Variants in RABEP1 observed in about 807,000 individuals in gnomAD.
The protein encoded by RABEP1 is rab GTPase-binding effector protein 1.
In RABEP1, 51 loss-of-function variants were observed where a neutral mutation model predicts 123.4. The observed-to-expected ratio is 0.41, with a 90% CI of 0.33 to 0.52. The LOEUF (loss-of-function observed/expected upper bound fraction) is 0.52. Among genes scored for constraint, RABEP1 ranks in the 20% least tolerant of loss-of-function variants. The pLI is 0.16. For synonymous variants in RABEP1, 347 were observed against 355.2 expected (o/e 0.98, Z 0.26); for missense variants, 888 against 996.3 (o/e 0.89, Z 1.46).
intron 8 of RABEP1, among the ~76,000 whole-genome samples, chr17:5,358,451 A>G (rs1909216683): frequency 6.6e-6 from 1 of 152,096 alleles, no homozygotes; most frequent in South Asian, 2.1e-4. Context: ...CAGGCGGATC[A>G]TTCGAGGCCA....
intron 1 of RABEP1, among the ~76,000 whole-genome samples, chr17:5,284,851 TA>T (rs11417038): frequency 1.6e-3 from 231 of 143,810 alleles, no homozygotes; most frequent in Non-Finnish European, 1.6e-3. Context: ...TCCTGCTGAT[TA>T]AAAAAAAAAA....
intron 2 of RABEP1, among the ~76,000 whole-genome samples, chr17:5,329,818 C>CATATATATATATATATAT (rs61446536): frequency 1.1e-3 from 163 of 143,040 alleles, no homozygotes; most frequent in African/African-American, 3.7e-3. Context: ...TATATATGTT[C>CATATATATATATATATAT]ATATATATAT....
chr17:5,288,347 C>T (rs987602332), intron 1 of RABEP1, among the ~76,000 whole-genome samples: 3 of 151,970 alleles, frequency 2.0e-5, no homozygotes, highest in Non-Finnish European at 4.4e-5. Flanking sequence ...GTACGGGAAC[C>T]CACTGAAGGG....
At chr17:5,297,676 C>A (rs896955170) in intron 1 of RABEP1, among the ~76,000 whole-genome samples, 5 of 152,176 alleles carry the variant, frequency 3.3e-5, no homozygotes, top group African/African-American at 1.2e-4. Context: ...CCTGATACTC[C>A]ATGAAGAGCT....
At position 5,384,132 on chromosome 17, in the gene RABEP1, CAAATACAA is replaced by C. The variant is rs1269518120; in HGVS notation, c.*914_*921del. 4.7e-6 allele frequency: 1 copy of C among 214,296 alleles called. No homozygotes were observed. Among genetic ancestry groups the C allele is most frequent in the Admixed American group, 5.9e-5 (1 of 17,078 alleles). The allele number at this position is 214,296 out of a possible 1,614,324, so 13.3% of individuals were successfully genotyped here. ...TACGTACTACTTGTTTCAAATGTGT[CAAATACAA>C]AAATGGTAACTAGGTTGACAGATAC... On this transcript the variant is annotated 3_prime_UTR_variant, in exon 18 of 18. Transcript: ENST00000537505.
chr17:5,289,640 C>T (rs1359410780), intron 1 of RABEP1, among the ~76,000 whole-genome samples: 2 of 151,952 alleles, frequency 1.3e-5, no homozygotes, highest in African/African-American at 4.8e-5. Flanking sequence ...CCCACTAAGA[C>T]AAAAGAAAAC....
chr17:5,343,669 T>TG (rs1907812641), intron 5 of RABEP1, among the ~76,000 whole-genome samples: 1 of 126,522 alleles, frequency 7.9e-6, no homozygotes, highest in African/African-American at 3.5e-5. Context: ...CTTTCTTTTC[T>TG]CTTTTTTTTT....
At position 5,349,483 on chromosome 17, in the gene RABEP1, T is replaced by A. The variant is rs182809784; in HGVS notation, c.785-968T>A. On this transcript the variant is annotated intron_variant, in intron 6 of 17. Transcript: ENST00000537505. ...ATAGATCATGCTACCTATTCTCTTT[T>A]TAGCAGAAGATGGCTGAGCTGATGA... 4.1e-4 allele frequency among the ~76,000 whole-genome samples: 63 copies of A among 152,312 alleles called. 1 individual carries two copies. In the East Asian group the frequency reaches 0.01, roughly 24 times the overall value.
rs200797949 is a variant in RABEP1, at chr17:5,381,396, T to C, written c.2378T>C (p.Val793Ala). ...AAAACTTGTATTTTTTAGGCTACCG[T>C]TGAACAACTAATGTTTGAAGAGAAG... is the stretch of plus-strand genomic sequence containing the variant. ...LKKETAAKAT[V>A]EQLMFEEKNK... is the part of the protein sequence containing the mutation. Residue 793 changes from valine to alanine, a missense_variant, in exon 17 of 18, where the codon GTT becomes GCT. Transcript: ENST00000537505. 4.5e-5 allele frequency: 73 copies of C among 1,610,942 alleles called. No individual in the cohort carries two copies. The highest frequency in any genetic ancestry group is 5.9e-5 in the Non-Finnish European group (69 of 1,179,160).
intron 2 of RABEP1, among the ~76,000 whole-genome samples, chr17:5,313,945 C>G (rs1004785853): frequency 6.6e-6 from 1 of 152,184 alleles, no homozygotes; most frequent in South Asian, 2.1e-4. Flanking sequence ...TTTATTGTAT[C>G]TACTGTGAAG....
chr17:5,288,057 G>A (rs553304337), intron 1 of RABEP1, among the ~76,000 whole-genome samples: 1 of 152,162 alleles, frequency 6.6e-6, no homozygotes, highest in East Asian at 1.9e-4. Context: ...TTGAATATGG[G>A]ATGCAAAAGA....
rs1219790328 is a variant in RABEP1, at chr17:5,367,998, CTG to C, written c.1786-371_1786-370del. On this transcript the variant is annotated intron_variant, in intron 11 of 17. Coordinates refer to ENST00000537505, the MANE Select transcript of RABEP1 (RefSeq NM_004703.6). ...TCTCGAACTCCTGACCTCAGGTGATCTGCCCGCCTCAGCCTCCCAAAGTGCTG... is the reference window on the plus strand; with the variant it reads ...TCTCGAACTCCTGACCTCAGGTGATCCCCGCCTCAGCCTCCCAAAGTGCTG... 3.5e-3 allele frequency among the ~76,000 whole-genome samples: 526 copies of C among 150,184 alleles called. 6 individuals carry two copies. The highest frequency in any genetic ancestry group is 0.022 in the East Asian group (103 of 4,718).
In RABEP1 at chr17:5,312,402, C is replaced by T. The variant is rs541191350; in HGVS notation, c.163+3580C>T. ...CTAACCTCAAATGATCTGCCCGCCT[C>T]AGCCTCCCAAACTGCTGGGATTACA... On this transcript the variant is annotated intron_variant, in intron 2 of 17. Transcript: ENST00000537505. Among the ~76,000 whole-genome samples, 4 of 152,276 alleles carry T rather than the reference C, an allele frequency of 2.6e-5. No homozygotes were observed. The East Asian group carries it at 7.7e-4, about 29-fold the overall frequency.
At chr17:5,336,154 A>G (rs1013096411) in intron 4 of RABEP1, among the ~76,000 whole-genome samples, 20 of 152,236 alleles carry the variant, frequency 1.3e-4, no homozygotes, top group Non-Finnish European at 2.6e-4. Flanking sequence ...ATCACATTGT[A>G]TAAAATAATT....
intron 1 of RABEP1, among the ~76,000 whole-genome samples, chr17:5,291,999 A>T (rs756861097): frequency 6.6e-6 from 1 of 152,242 alleles, no homozygotes; most frequent in East Asian, 1.9e-4. Flanking sequence ...TAATAATTAC[A>T]TAGGAAACAA....
chr17:5,355,049 C>T (rs1241738071), intron 8 of RABEP1, among the ~76,000 whole-genome samples: 4 of 152,192 alleles, frequency 2.6e-5, no homozygotes, highest in African/African-American at 9.7e-5. Context: ...GCAAGGGCCT[C>T]CTCATTGGGT....
chr17:5,325,106 A>G (rs1231897338), intron 2 of RABEP1, among the ~76,000 whole-genome samples: 1 of 152,168 alleles, frequency 6.6e-6, no homozygotes, highest in African/African-American at 2.4e-5. Context: ...TGAGCTCAGG[A>G]GTTCGAGACC....
intron 2 of RABEP1, among the ~76,000 whole-genome samples, chr17:5,330,522 C>T (rs12600505): frequency 0.14 from 20,651 of 152,040 alleles, 1,461 homozygotes; most frequent in East Asian, 0.18. Context: ...AAAGTATTGC[C>T]ACTGTCTTCA....
intron 14 of RABEP1, 35 bp from the exon 15 acceptor site, chr17:5,378,142 A>G (rs759591985): frequency 6.7e-6 from 10 of 1,483,888 alleles, no homozygotes; most frequent in South Asian, 2.3e-5. Flanking sequence ...ACAATAATAG[A>G]TGAATGCTAA....
Sources: gnomAD v4.1 joint callset for allele counts (sites outside exome capture counted in the v4.1 genomes callset) on GRCh38, gnomAD v4.1.1 for gene constraint, MANE v1.5 for transcripts, NCBI Gene and HGNC (gene_info 2026-07-23, HGNC 2026-07-21) for gene names.